TNRC6B: variants seen among roughly 807,000 people sequenced by gnomAD.
TNRC6B encodes the protein trinucleotide repeat containing adaptor 6B, also known as trinucleotide repeat-containing gene 6B protein.
TNRC6B carries 52 observed loss-of-function variants against 203.6 expected under a neutral mutation model. The observed-to-expected ratio is 0.26, with a 90% confidence interval of 0.20 to 0.32. The LOEUF (loss-of-function observed/expected upper bound fraction) is 0.32. Ranked by LOEUF, TNRC6B falls within the 10% of genes least tolerant of loss-of-function variation. The pLI is 1.00. For missense variants in TNRC6B, 1,923 were observed against 2,286.2 expected (o/e 0.84, Z 3.24); for synonymous variants, 838 against 845.7 (o/e 0.99, Z 0.16).
chr22:40,176,896 CAG>C (rs887410860), upstream of TNRC6B, among the ~76,000 whole-genome samples: 1 of 152,206 alleles, frequency 6.6e-6, no homozygotes, highest in Non-Finnish European at 1.5e-5. Flanking sequence ...AAGCCAAGTG[CAG>C]AGTTTCAGAG....
At position 40,284,970 on chromosome 22, in the gene TNRC6B, C is replaced by T. The variant is rs1872936534; in HGVS notation, c.3583-675C>T. On this transcript the variant is annotated intron_variant, in intron 11 of 22. Coordinates refer to ENST00000454349, the MANE Select transcript of TNRC6B (RefSeq NM_001162501.2). ...TGTAGAAGTGCTCCAGTGAGTTGGG[C>T]CTCCAGAAAGGAGGGAGTTCCGCTT... Among the ~76,000 whole-genome samples the T allele has an allele frequency of 3.9e-5, 6 of 152,216 alleles. No homozygotes were observed. In the South Asian group the frequency reaches 1.2e-3, roughly 32 times the overall value.
chr22:40,094,145 T>C (rs1253873660), intron 1 of TNRC6B, among the ~76,000 whole-genome samples: 1 of 152,190 alleles, frequency 6.6e-6, no homozygotes, highest in African/African-American at 2.4e-5. Flanking sequence ...TAGTACTTAC[T>C]TCATGGAATG....
rs1047811506 is a variant in TNRC6B at position 40,120,972 on chromosome 22, A to G, written c.-47+3844A>G. Reference sequence around the variant, plus strand: ...AAAAGGGAGAGAAAAGGGCTGGACTATGCAAGCCTGGTTTCTTCTTCCAAA... The same window carrying G: ...AAAAGGGAGAGAAAAGGGCTGGACTGTGCAAGCCTGGTTTCTTCTTCCAAA... On this transcript the variant is annotated intron_variant, in intron 2 of 23. Transcript: ENST00000301923. Among the ~76,000 whole-genome samples, 5 of 152,308 alleles carry G rather than the reference A, an allele frequency of 3.3e-5. No homozygotes were observed. The East Asian group carries it at 9.6e-4, about 29-fold the overall frequency.
At chr22:40,121,279 T>G (rs1362707585) in intron 2 of TNRC6B, among the ~76,000 whole-genome samples, 1 of 146,404 alleles carries the variant, frequency 6.8e-6, no homozygotes, top group Non-Finnish European at 1.5e-5. Flanking sequence ...CAGAAACCTC[T>G]TAATTTTCAT....
At chr22:40,122,497 G>A (rs566476683) in intron 2 of TNRC6B, among the ~76,000 whole-genome samples, 3 of 152,202 alleles carry the variant, frequency 2.0e-5, no homozygotes, top group Non-Finnish European at 4.4e-5. Context: ...GAGGAGAAGA[G>A]GAGAATGCAG....
chr22:40,051,478 T>G (rs1465369145), intron 1 of TNRC6B, among the ~76,000 whole-genome samples: 1 of 152,226 alleles, frequency 6.6e-6, no homozygotes, highest in Non-Finnish European at 1.5e-5. Context: ...CTGAGCCTAC[T>G]TACCCTTTGA....
At chr22:40,177,030 A>C (rs1032313095), upstream of TNRC6B, among the ~76,000 whole-genome samples, 4 of 152,258 alleles carry the variant, frequency 2.6e-5, no homozygotes, top group African/African-American at 9.6e-5. Context: ...GTTAGCAGTG[A>C]AGTTACACGG....
At chr22:40,134,053 A>ATGTC (rs993119761) in intron 3 of TNRC6B, among the ~76,000 whole-genome samples, 6 of 149,954 alleles carry the variant, frequency 4.0e-5, no homozygotes, top group African/African-American at 1.5e-4. Flanking sequence ...AGATATCTTG[A>ATGTC]TGTCTGTTAC....
chr22:40,164,388 TAAAA>T (rs34013375), intron 4 of TNRC6B, among the ~76,000 whole-genome samples: 19 of 128,048 alleles, frequency 1.5e-4, no homozygotes, highest in Non-Finnish European at 2.6e-4. Flanking sequence ...ACTCTGCCTT[TAAAA>T]AAAAAAAAAA....
chr22:40,238,371 G>A (rs556245119), intron 1 of TNRC6B, among the ~76,000 whole-genome samples: 12 of 152,240 alleles, frequency 7.9e-5, no homozygotes, highest in African/African-American at 2.6e-4. Flanking sequence ...TTGCATTTAG[G>A]TGCTTGTGTT....
At chr22:40,273,662 T>G (rs2070596964) in intron 7 of TNRC6B, 62 bp downstream of exon 7, 6 of 1,462,456 alleles carry the variant, frequency 4.1e-6, no homozygotes, top group Non-Finnish European at 4.5e-6. Context: ...ACTGAGGTTT[T>G]GTTTTGTTTG....
chr22:40,098,891 C>A (rs1341634900), intron 1 of TNRC6B, among the ~76,000 whole-genome samples: 1 of 152,074 alleles, frequency 6.6e-6, no homozygotes, highest in African/African-American at 2.4e-5. Context: ...CCATACCCAG[C>A]TCTTTTTGTT....
Position 40,323,337 on chromosome 22 carries a change from C to T in TNRC6B, c.*96C>T. 1 of 1,414,330 alleles carries T rather than the reference C, an allele frequency of 7.1e-7. No individual in the cohort carries two copies. Among genetic ancestry groups the T allele is most frequent in the Non-Finnish European group, 9.4e-7 (1 of 1,063,244 alleles). 87.6% of individuals were successfully genotyped at this position (1,414,330 alleles called of 1,614,324 possible). ...TTTTTTTTTCAACTTGCAATAAATA[C>T]ATTTTTAAAAGGAAAAAAGAAAACG... is the stretch of plus-strand genomic sequence containing the variant. On this transcript the variant is annotated 3_prime_UTR_variant, in exon 23 of 23. Coordinates refer to ENST00000454349, the MANE Select transcript of TNRC6B (RefSeq NM_001162501.2).
intron 2 of TNRC6B, among the ~76,000 whole-genome samples, chr22:40,124,752 C>T (rs1177768077): frequency 6.6e-6 from 1 of 152,064 alleles, no homozygotes; most frequent in Non-Finnish European, 1.5e-5. Flanking sequence ...CGGTGGCTCA[C>T]GCCTGTAATC....
chr22:40,124,950 T>C (rs1413261784), intron 2 of TNRC6B, among the ~76,000 whole-genome samples: 1 of 151,592 alleles, frequency 6.6e-6, no homozygotes, highest in Admixed American at 6.6e-5. Flanking sequence ...GAGGTGGAGG[T>C]TGCAGTGAGC....
At chr22:40,262,457 G>A (rs1026359101) in intron 4 of TNRC6B, among the ~76,000 whole-genome samples, 1 of 152,090 alleles carries the variant, frequency 6.6e-6, no homozygotes, top group Admixed American at 6.6e-5. Flanking sequence ...ACAAATTTGA[G>A]CCTCCATAGT....
intron 1 of TNRC6B, among the ~76,000 whole-genome samples, chr22:40,197,395 C>T (rs2069353565): frequency 1.3e-5 from 2 of 151,962 alleles, no homozygotes; most frequent in Admixed American, 1.3e-4. Flanking sequence ...AGCGATTCTC[C>T]TGCTTTTCAG....
chr22:40,218,328 T>TC (rs1331198943), intron 1 of TNRC6B, among the ~76,000 whole-genome samples: 13 of 135,352 alleles, frequency 9.6e-5, no homozygotes, highest in South Asian at 2.5e-4. Context: ...TCTTTTCTTT[T>TC]TTTTTTTTTT....
At chr22:40,141,646 C>T (rs1015226937) in intron 3 of TNRC6B, among the ~76,000 whole-genome samples, 1 of 152,196 alleles carries the variant, frequency 6.6e-6, no homozygotes, top group Admixed American at 6.5e-5. Flanking sequence ...GGTTCTCCCT[C>T]CTCTGACTGA....
Sources: gnomAD v4.1 joint callset for allele counts (sites outside exome capture counted in the v4.1 genomes callset) on GRCh38, gnomAD v4.1.1 for gene constraint, MANE v1.5 for transcripts, NCBI Gene and HGNC (gene_info 2026-07-23, HGNC 2026-07-21) for gene names.